CDC42BPB: variants seen among roughly 807,000 people sequenced by gnomAD.
CDC42BPB encodes serine/threonine-protein kinase MRCK beta.
A neutral mutation model predicts 214.9 loss-of-function variants in CDC42BPB; 37 were observed. The observed-to-expected ratio is 0.17, with a 90% confidence interval of 0.13 to 0.23. CDC42BPB has a LOEUF of 0.23. Among genes scored for constraint, CDC42BPB ranks in the 10% least tolerant of loss-of-function variants. CDC42BPB has a pLI of 1.00. For missense variants in CDC42BPB, 1,694 were observed against 2,227.0 expected, an observed-to-expected ratio of 0.76 and a Z score of 4.82; for synonymous variants, 931 against 884.0, an observed-to-expected ratio of 1.05 and a Z score of -0.94.
At chr14:102,975,311 G>A (rs1893686850) in intron 11 of CDC42BPB, among the ~76,000 whole-genome samples, 1 of 152,208 alleles carries the variant, frequency 6.6e-6, no homozygotes, top group African/African-American at 2.4e-5. Context: ...ATCACCTGAG[G>A]TCAGGAGTTC....
chr14:102,972,074 ACTC>A lies in CDC42BPB; in HGVS notation c.1726_1728del (p.Glu576del). ...GCCATGCGCTCGTTCAGCTCCGAGA[ACTC>A]CTGCAGGGCCAGCTTTCGCTGCTGA... On this transcript the variant is annotated inframe_deletion, in exon 13 of 37. Coordinates refer to ENST00000361246, the MANE Select transcript of CDC42BPB (RefSeq NM_006035.4). 1 of 1,614,192 alleles carries A rather than the reference ACTC, an allele frequency of 6.2e-7. No homozygotes were observed. The highest frequency in any genetic ancestry group is 1.1e-5 in the South Asian group (1 of 91,084).
intron 1 of CDC42BPB, among the ~76,000 whole-genome samples, chr14:103,021,231 C>G (rs766341238): frequency 2.6e-5 from 4 of 152,132 alleles, no homozygotes; most frequent in Non-Finnish European, 5.9e-5. Flanking sequence ...GAGGCCGAGG[C>G]GAGTGGATCA....
At chr14:102,981,304 G>T in intron 7 of CDC42BPB, 1 of 502,530 alleles carries the variant, frequency 2.0e-6, no homozygotes, top group Non-Finnish European at 2.6e-6. Flanking sequence ...TGCCGTGCGC[G>T]GGAAGAGGGA....
intron 7 of CDC42BPB, among the ~76,000 whole-genome samples, chr14:102,981,864 G>C (rs1595491623): frequency 6.6e-6 from 1 of 152,150 alleles, no homozygotes; most frequent in East Asian, 1.9e-4. Context: ...ACAAAAAACT[G>C]TTGATATGTA....
chr14:103,048,806 G>A (rs1028406929), intron 1 of CDC42BPB, among the ~76,000 whole-genome samples: 3 of 151,614 alleles, frequency 2.0e-5, no homozygotes, highest in East Asian at 1.9e-4. Context: ...CCCGGGAGGC[G>A]GAGGCTGCAG....
At chr14:103,021,887 CTGCTGGA>C (rs993284901) in intron 1 of CDC42BPB, among the ~76,000 whole-genome samples, 15 of 152,118 alleles carry the variant, frequency 9.9e-5, no homozygotes, top group Non-Finnish European at 1.8e-4. Context: ...AGCGGATTTC[CTGCTGGA>C]TGGGGCGTGC....
intron 4 of CDC42BPB, among the ~76,000 whole-genome samples, chr14:103,003,253 G>A (rs1424862319): frequency 6.6e-6 from 1 of 152,204 alleles, no homozygotes; most frequent in Non-Finnish European, 1.5e-5. Flanking sequence ...AGTCACTCTA[G>A]GAATAAAAAG....
intron 32 of CDC42BPB, 40 bp downstream of exon 32, chr14:102,940,006 A>ACTTCC: frequency 6.2e-7 from 1 of 1,613,670 alleles, no homozygotes; most frequent in Non-Finnish European, 8.5e-7. Flanking sequence ...CGCCCCTCCA[A>ACTTCC]CTTCCCTTCC....
At chr14:103,042,715 G>A (rs975121402) in intron 1 of CDC42BPB, among the ~76,000 whole-genome samples, 9 of 152,122 alleles carry the variant, frequency 5.9e-5, no homozygotes, top group Non-Finnish European at 4.4e-5. Flanking sequence ...AACAACATCC[G>A]CTATTAGGGA....
intron 5 of CDC42BPB, among the ~76,000 whole-genome samples, chr14:102,993,336 A>G (rs904354667): frequency 5.3e-5 from 8 of 152,188 alleles, no homozygotes; most frequent in Non-Finnish European, 7.3e-5. Flanking sequence ...CTGTGTGCAC[A>G]GGGCATGCCG....
chr14:103,026,546 C>CA (rs1004553039), intron 1 of CDC42BPB, among the ~76,000 whole-genome samples: 3 of 151,616 alleles, frequency 2.0e-5, no homozygotes, highest in African/African-American at 4.8e-5. Flanking sequence ...CAAACCTGAA[C>CA]AAAAAAATGT....
At chr14:103,042,631 T>C (rs545896659) in intron 1 of CDC42BPB, among the ~76,000 whole-genome samples, 1 of 152,276 alleles carries the variant, frequency 6.6e-6, no homozygotes, top group African/African-American at 2.4e-5. Context: ...ATTTTTTAAA[T>C]GAGTAAAGAA....
At chr14:102,940,392 G>C in intron 30 of CDC42BPB, 68 bp from the exon 31 acceptor site, 1 of 1,545,482 alleles carries the variant, frequency 6.5e-7, no homozygotes, top group South Asian at 1.2e-5. Flanking sequence ...TCGGGCCGGA[G>C]GCCAAGCCTT....
intron 1 of CDC42BPB, among the ~76,000 whole-genome samples, chr14:103,052,380 AG>A (rs1888656616): frequency 6.6e-6 from 1 of 152,250 alleles, no homozygotes; most frequent in Non-Finnish European, 1.5e-5. Flanking sequence ...TTCTATCCAG[AG>A]AAATCATTAA....
rs1331211983 is a variant in CDC42BPB, at chr14:103,057,163, T to C, written c.11A>G (p.Lys4Arg). ...CTGCTCCAGCTTCTTGAGCCGCACC[T>C]TGGCCGACATGGTGCCGCGCGGCCC... MSA[K>R]VRLKKLEQLL... The change falls in exon 1 of 37, where the codon AAG becomes AGG. Residue 4 changes from lysine to arginine, a missense_variant. By Grantham distance (26) the Lys-to-Arg change is conservative. Transcript: ENST00000361246. 1 of 1,471,230 alleles carries C rather than the reference T, an allele frequency of 6.8e-7. No individual in the cohort carries two copies. 91.1% of individuals were successfully genotyped at this position (1,471,230 alleles called of 1,614,324 possible).
chr14:102,947,564 C>T (rs533196268), intron 27 of CDC42BPB, among the ~76,000 whole-genome samples, 157 bp downstream of exon 27: 17 of 152,172 alleles, frequency 1.1e-4, no homozygotes, highest in Admixed American at 5.9e-4. Flanking sequence ...TGCTACTTGG[C>T]CAGGACGGGA....
chr14:102,978,582 A>G (rs1447515574), intron 8 of CDC42BPB, among the ~76,000 whole-genome samples: 1 of 152,256 alleles, frequency 6.6e-6, no homozygotes, highest in Non-Finnish European at 1.5e-5. Context: ...CCCCGGACAG[A>G]GCCTGGGGAC....
intron 19 of CDC42BPB, 180 bp from the exon 20 acceptor site, chr14:102,963,335 T>C: frequency 1.0e-6 from 1 of 963,252 alleles, no homozygotes; most frequent in Non-Finnish European, 1.2e-6. Flanking sequence ...ATATTTCAAA[T>C]ATAAACATTC....
At chr14:103,015,847 T>C (rs1886425433) in intron 1 of CDC42BPB, among the ~76,000 whole-genome samples, 1 of 151,852 alleles carries the variant, frequency 6.6e-6, no homozygotes, top group Admixed American at 6.6e-5. Context: ...TAGCCGGGAT[T>C]ACAGGCACGT....
Sources: allele counts gnomAD v4.1 joint callset (sites outside exome capture counted in the v4.1 genomes callset), GRCh38; gene constraint gnomAD v4.1.1; transcripts MANE v1.5; gene names NCBI Gene and HGNC (gene_info 2026-07-23, HGNC 2026-07-21).